Variants in UNKL observed in about 807,000 individuals in gnomAD.
UNKL encodes the protein putative E3 ubiquitin-protein ligase UNKL.
In UNKL, 60 loss-of-function variants were observed where a neutral mutation model predicts 78.0. The observed-to-expected ratio is 0.77, with a 90% CI of 0.63 to 0.95. The LOEUF (loss-of-function observed/expected upper bound fraction) is 0.95, where lower values mean the gene tolerates loss of function less well. UNKL is among the 40% of genes least tolerant of loss of function. The probability of loss-of-function intolerance (pLI) is 0.00; values close to 1 mark genes in which losing one functional copy is unlikely to be tolerated. For synonymous variants in UNKL, 608 were observed against 474.8 expected (o/e 1.28, Z -3.65); for missense variants, 1,159 against 1,045.7 (o/e 1.11, Z -1.49).
At position 1,387,091 on chromosome 16, in the gene UNKL, A is replaced by C. The variant is rs2142100843; in HGVS notation, c.1087-1706T>G. The stretch of plus-strand genomic sequence containing the variant: ...CCGCAGACCCTCCCAGCCATGCAGC[A>C]CCGGGGACCCTCCCAGCAATGCAGC... On this transcript the variant is annotated intron_variant, in intron 9 of 14. Coordinates refer to ENST00000389221, the MANE Select transcript of UNKL (RefSeq NM_001372107.1). This position sits in a 1 kb window ranked among gnomAD's most constrained non-coding sequence, Gnocchi z 4.1. Among the ~76,000 whole-genome samples, 1 of 151,514 alleles carries C rather than the reference A, an allele frequency of 6.6e-6. No homozygotes were observed. Among genetic ancestry groups the C allele is most frequent in the South Asian group, 2.1e-4 (1 of 4,796 alleles).
chr16:1,370,275 A>T lies in UNKL; in HGVS notation c.1440T>A (p.Ser480=). Residue 480 remains serine, a synonymous_variant, in exon 12 of 15, where the codon TCT becomes TCA. Transcript: ENST00000389221. ...PRAPSLHSPS[S]ASTSPLGSLS... ...GCGAACCGAGCGGCGAGGTGGACGC[A>T]GAGGATGGCGAGTGTAGCGATGGTG... 6.5e-7 allele frequency: 1 copy of T among 1,534,314 alleles called. No homozygotes were observed. Among genetic ancestry groups the T allele is most frequent in the South Asian group, 1.2e-5 (1 of 83,952 alleles).
rs745494705 is a variant in UNKL, at chr16:1,385,235, C to T, written c.1237G>A (p.Ala413Thr). Residue 413 changes from alanine to threonine, a missense_variant, in exon 10 of 15, where the codon GCC becomes ACC. By Grantham distance (58) the Ala-to-Thr change is moderately conservative (BLOSUM62 0). Coordinates refer to ENST00000389221, the MANE Select transcript of UNKL (RefSeq NM_001372107.1). ...PPARALPLGP[A>T]SSTVEAVLGS... ...AGGACGGCCTCCACAGTGCTGCTGG[C>T]GGGGCCGAGCGGGAGGGCACGGGCG... 16 of 1,294,578 alleles carry T rather than the reference C, an allele frequency of 1.2e-5. No homozygotes were observed. The highest frequency in any genetic ancestry group is 4.2e-5 in the Admixed American group (1 of 23,794). 80.2% of individuals were successfully genotyped at this position (1,294,578 alleles called of 1,614,324 possible).
rs73487845 is a variant in UNKL, at chr16:1,375,468, C to T, written c.1265-3857G>A. ...CCGGGGCGTGGAGGCCGGGCTGTGG[C>T]GCCACCTGGCAACACTGTCCTTCCC... On this transcript the variant is annotated intron_variant, in intron 10 of 14. Transcript: ENST00000389221. Among the ~76,000 whole-genome samples, 1,067 of 152,334 alleles carry T rather than the reference C, an allele frequency of 7.0e-3. 14 individuals are homozygous for T. Among genetic ancestry groups the T allele is most frequent in the African/African-American group, 0.024 (1,006 of 41,574 alleles).
At chr16:1,395,998 A>T (rs1243139166) in intron 6 of UNKL, among the ~76,000 whole-genome samples, 1 of 152,152 alleles carries the variant, frequency 6.6e-6, no homozygotes, top group Non-Finnish European at 1.5e-5. Flanking sequence ...GCTGGAGTGC[A>T]GTGGCGCACT....
At chr16:1,366,930 G>T (rs1026706116) in intron 14 of UNKL, among the ~76,000 whole-genome samples, 162 bp downstream of exon 14, 1 of 82,270 alleles carries the variant, frequency 1.2e-5, no homozygotes, top group Non-Finnish European at 2.7e-5. Context: ...GAGGCCACAG[G>T]GGGCTGTGCT....
intron 12 of UNKL, among the ~76,000 whole-genome samples, chr16:1,369,019 T>C (rs1014816794): frequency 4.6e-5 from 7 of 151,208 alleles, no homozygotes; most frequent in Non-Finnish European, 1.0e-4. Flanking sequence ...GTGCTGGGAT[T>C]ACAGGCTTGA....
At chr16:1,413,020 G>A (rs1422576412) in intron 2 of UNKL, among the ~76,000 whole-genome samples, 1 of 152,134 alleles carries the variant, frequency 6.6e-6, no homozygotes, top group African/African-American at 2.4e-5. Context: ...GGCTGAAGCA[G>A]GAGGATTGCT....
At chr16:1,376,381 C>T (rs1254791914) in intron 10 of UNKL, among the ~76,000 whole-genome samples, 1 of 149,276 alleles carries the variant, frequency 6.7e-6, no homozygotes, top group Non-Finnish European at 1.5e-5. Flanking sequence ...CTCCTCCCTC[C>T]AGGGCTGGGG....
intron 4 of UNKL, among the ~76,000 whole-genome samples, chr16:1,401,161 G>A (rs1003864595): frequency 6.7e-6 from 1 of 148,358 alleles, no homozygotes; most frequent in Non-Finnish European, 1.5e-5. Flanking sequence ...GAGGCGCAGG[G>A]CTGGGGGCTC....
chr16:1,397,169 G>C lies in UNKL; in HGVS notation c.852+9C>G. On this transcript the variant is annotated intron_variant, in intron 6 of 14. Coordinates refer to ENST00000389221, the MANE Select transcript of UNKL (RefSeq NM_001372107.1). ...CGACCCCTACGCCTGGGGGGTTGGA[G>C]GGACGTACCTCGGGATGGAACTGCT... 6.5e-7 allele frequency: 1 copy of C among 1,547,154 alleles called. No homozygotes were observed. The highest frequency in any genetic ancestry group is 8.7e-7 in the Non-Finnish European group (1 of 1,146,852).
At chr16:1,397,538 G>A (rs1436100633) in intron 5 of UNKL, among the ~76,000 whole-genome samples, 1 of 37,098 alleles carries the variant, frequency 2.7e-5, no homozygotes, top group Non-Finnish European at 5.3e-5. Flanking sequence ...CGTGCTTCAC[G>A]CTGGGGCAGG....
At chr16:1,382,982 G>A (rs947098739) in intron 10 of UNKL, among the ~76,000 whole-genome samples, 8 of 150,272 alleles carry the variant, frequency 5.3e-5, no homozygotes, top group Non-Finnish European at 1.2e-4. Flanking sequence ...CACACATGCC[G>A]GGCACAGTGG....
At chr16:1,398,710 T>G in intron 5 of UNKL, 2 of 565,204 alleles carry the variant, frequency 3.5e-6, no homozygotes, top group Non-Finnish European at 2.5e-6. Flanking sequence ...AGGTGCAAAC[T>G]GCAGACAGGA....
At position 1,375,123 on chromosome 16, in the gene UNKL, C is replaced by A. The variant is rs556517969; in HGVS notation, c.1265-3512G>T. On this transcript the variant is annotated intron_variant, in intron 10 of 14. Transcript: ENST00000389221. Reference sequence around the variant, plus strand: ...GAGGCCTGGCGCTCGGCGGTCACACCCCCCGAGCCCCCCAGGGCAGCCGGA... The same window carrying A: ...GAGGCCTGGCGCTCGGCGGTCACACACCCCGAGCCCCCCAGGGCAGCCGGA... Among the ~76,000 whole-genome samples, 182 of 152,192 alleles carry A rather than the reference C, an allele frequency of 1.2e-3. 1 individual carries two copies. The highest frequency in any genetic ancestry group is 3.6e-3 in the African/African-American group (151 of 41,458).
chr16:1,381,341 C>A (rs149282963), intron 10 of UNKL, among the ~76,000 whole-genome samples: 15 of 152,250 alleles, frequency 9.9e-5, no homozygotes, highest in African/African-American at 3.6e-4. Flanking sequence ...AATAAGTGAC[C>A]GGGTGTGGTG....
At chr16:1,395,785 C>G (rs372219100) in intron 6 of UNKL, 1 of 456,210 alleles carries the variant, frequency 2.2e-6, no homozygotes, top group African/African-American at 2.0e-5. Flanking sequence ...ACAGAAAACG[C>G]CCCGGACACC....
rs1272251406 is a variant in UNKL, at chr16:1,387,013, A to G, written c.1087-1628T>C. Reference sequence around the variant, plus strand: ...TTTTCCTCAAGCCATGAAAAAACGGACCACAGTCCACCCCGTGAGCATCAG... The same window carrying G: ...TTTTCCTCAAGCCATGAAAAAACGGGCCACAGTCCACCCCGTGAGCATCAG... On this transcript the variant is annotated intron_variant, in intron 9 of 14. Coordinates refer to ENST00000389221, the MANE Select transcript of UNKL (RefSeq NM_001372107.1). The surrounding 1 kb of genome is among the most constrained non-coding windows in gnomAD (Gnocchi z 4.1). Among the ~76,000 whole-genome samples, 1 of 152,078 alleles carries G rather than the reference A, an allele frequency of 6.6e-6. No homozygotes were observed. The highest frequency in any genetic ancestry group is 2.4e-5 in the African/African-American group (1 of 41,390).
At chr16:1,401,934 GT>G (rs2037544849) in intron 3 of UNKL, among the ~76,000 whole-genome samples, 1 of 152,160 alleles carries the variant, frequency 6.6e-6, no homozygotes, top group South Asian at 2.1e-4. Flanking sequence ...GTCTGGCTCT[GT>G]CCCCCAGGCT....
At chr16:1,385,740 T>G (rs900856627) in intron 9 of UNKL, among the ~76,000 whole-genome samples, 3 of 152,250 alleles carry the variant, frequency 2.0e-5, no homozygotes, top group African/African-American at 7.2e-5. Context: ...GGGCAAGCCG[T>G]GCAGCCTGCC....
Sources: allele counts gnomAD v4.1 joint callset (sites outside exome capture counted in the v4.1 genomes callset), GRCh38; gene constraint gnomAD v4.1.1; non-coding constraint Gnocchi (gnomAD v3.1); transcripts MANE v1.5; gene names NCBI Gene and HGNC (gene_info 2026-07-23, HGNC 2026-07-21).